GBP6: variants seen among roughly 807,000 people sequenced by gnomAD.
GBP6 encodes the protein guanylate-binding protein 6.
GBP6 carries 54 observed loss-of-function variants against 61.5 expected under a neutral mutation model. The observed-to-expected ratio is 0.88, with a 90% CI of 0.71 to 1.10. GBP6 has a LOEUF of 1.10. GBP6 is among the 50% of genes least tolerant of loss of function. GBP6 has a pLI of 0.00. For synonymous variants in GBP6, 255 were observed against 273.7 expected (o/e 0.93, Z 0.67); for missense variants, 748 against 752.8 (o/e 0.99, Z 0.07).
intron 1 of GBP6, among the ~76,000 whole-genome samples, chr1:89,364,994 C>T (rs538586514): frequency 1.3e-5 from 2 of 148,324 alleles, no homozygotes; most frequent in African/African-American, 5.0e-5. Flanking sequence ...TTCCCACCCC[C>T]ACCCCCAGCG....
intron 3 of GBP6, among the ~76,000 whole-genome samples, chr1:89,377,435 C>T (rs9427975): frequency 0.79 from 120,371 of 152,136 alleles, 47,777 homozygotes; most frequent in African/African-American, 0.86. Context: ...CCAGGAAACC[C>T]TCATATCACA....
chr1:89,385,090 A>G, intron 10 of GBP6, 140 bp from the exon 11 acceptor site: 1 of 721,424 alleles, frequency 1.4e-6, no homozygotes, highest in African/African-American at 1.8e-5. Context: ...CACAATGTCT[A>G]GGTCCAAATT....
chr1:89,382,090 C>A, intron 7 of GBP6, 116 bp downstream of exon 7: 1 of 1,050,408 alleles, frequency 9.5e-7, no homozygotes, highest in Non-Finnish European at 1.4e-6. Flanking sequence ...ATTGTGGATT[C>A]TCATGAGGGA....
rs1218820025 is a variant in GBP6 at position 89,385,315 on chromosome 1, A to G, written c.1748A>G (p.Asp583Gly). ...ATAAGTCAATTTAAACGTATGATTG[A>G]TACTACAAAAAATGATGATACTCCC... Reference protein sequence around the residue: ...AEISQFKRMIDTTKNDDTPWI... With the variant: ...AEISQFKRMIGTTKNDDTPWI... Residue 583 changes from aspartate to glycine, a missense_variant, in exon 11 of 11, where the codon GAT becomes GGT. Coordinates refer to ENST00000370456, the MANE Select transcript of GBP6 (RefSeq NM_198460.3). 1 of 1,614,154 alleles carries G rather than the reference A, an allele frequency of 6.2e-7. No individual in the cohort carries two copies.
rs753740748 is a variant in GBP6 at position 89,369,646 on chromosome 1, CA to C, written c.292del (p.Thr98ProfsTer34). On this transcript the variant is annotated frameshift_variant, in exon 3 of 11. Coordinates refer to ENST00000370456, the MANE Select transcript of GBP6 (RefSeq NM_198460.3). LOFTEE classifies it high-confidence loss of function. ...KPNHTLVLLD[T>X]EGLGDVEKGD... ...CAAACCACACCCTGGTCCTTCTGGA[CA>C]CCGAAGGTCTGGGCGATGTGGAAAA... 2 of 1,614,078 alleles carry C rather than the reference CA, an allele frequency of 1.2e-6. No homozygotes were observed. The highest frequency in any genetic ancestry group is 2.2e-5 in the South Asian group (2 of 91,074).
At chr1:89,383,300 G>A (rs1475236728) in intron 8 of GBP6, among the ~76,000 whole-genome samples, 1 of 152,160 alleles carries the variant, frequency 6.6e-6, no homozygotes, top group Non-Finnish European at 1.5e-5. Context: ...GCCAGCAAGT[G>A]GCAGGAGAAA....
rs927286598 is a variant in GBP6 at position 89,386,744 on chromosome 1, A to T, written c.*1275A>T. Among the ~76,000 whole-genome samples, 2 of 152,232 alleles carry T rather than the reference A, an allele frequency of 1.3e-5. No individual in the cohort carries two copies. The highest frequency in any genetic ancestry group is 4.8e-5 in the African/African-American group (2 of 41,470). On this transcript the variant is annotated 3_prime_UTR_variant, in exon 11 of 11. Transcript: ENST00000370456. ...AACATTAAGATTAAGCACTGATAGGAAGGATCCTGCCAACCTTGTCAGTAG... is the reference window on the plus strand; with the variant it reads ...AACATTAAGATTAAGCACTGATAGGTAGGATCCTGCCAACCTTGTCAGTAG...
chr1:89,377,594 A>T (rs9427976), intron 3 of GBP6, among the ~76,000 whole-genome samples: 120,398 of 152,186 alleles, frequency 0.79, 47,781 homozygotes, highest in African/African-American at 0.86. Flanking sequence ...TCATTATGAA[A>T]GTTTGTCACA....
rs553937580 is a variant in GBP6 at position 89,387,806 on chromosome 1, G to A, written c.*2337G>A. ...AAATTAACCAAGTGTGGTGGCACACGCCTGTCATGCCAGCTACACAGGAGG... is the reference window on the plus strand; with the variant it reads ...AAATTAACCAAGTGTGGTGGCACACACCTGTCATGCCAGCTACACAGGAGG... On this transcript the variant is annotated 3_prime_UTR_variant, in exon 11 of 11. Transcript: ENST00000370456. Among the ~76,000 whole-genome samples, 7 of 152,302 alleles carry A rather than the reference G, an allele frequency of 4.6e-5. No homozygotes were observed. The highest frequency in any genetic ancestry group is 9.6e-5 in the African/African-American group (4 of 41,560).
At position 89,383,647 on chromosome 1, in the gene GBP6, C is replaced by A; in HGVS notation, c.1366-5C>A. The A allele has an allele frequency of 6.3e-7, 1 of 1,590,882 alleles. No individual in the cohort carries two copies. The highest frequency in any genetic ancestry group is 1.4e-5 in the African/African-American group (1 of 73,608). ...AAATCTAAGTGCTTTTTCTTCCTTC[C>A]ATAGGCAAAAGAGGTCTTCCAGAGG... On this transcript the variant is annotated splice_region_variant and splice_polypyrimidine_tract_variant and intron_variant, in intron 8 of 10. Coordinates refer to ENST00000370456, the MANE Select transcript of GBP6 (RefSeq NM_198460.3).
intron 3 of GBP6, among the ~76,000 whole-genome samples, chr1:89,376,185 A>T (rs973670489): frequency 6.6e-6 from 1 of 152,164 alleles, no homozygotes; most frequent in African/African-American, 2.4e-5. Flanking sequence ...CACATTTTTT[A>T]AAATTCATTC....
intron 7 of GBP6, among the ~76,000 whole-genome samples, chr1:89,382,211 C>T (rs1247224657): frequency 6.6e-6 from 1 of 152,148 alleles, no homozygotes; most frequent in Non-Finnish European, 1.5e-5. Flanking sequence ...CTAAGGATTC[C>T]AGGCCTGCTC....
intron 7 of GBP6, among the ~76,000 whole-genome samples, chr1:89,382,357 G>A (rs562638568): frequency 6.6e-6 from 1 of 152,248 alleles, no homozygotes; most frequent in South Asian, 2.1e-4. Context: ...TTGTATCCTT[G>A]TACCATTGAG....
At chr1:89,368,435 G>T in intron 1 of GBP6, 94 bp from the exon 2 acceptor site, 1 of 870,316 alleles carries the variant, frequency 1.1e-6, no homozygotes, top group Non-Finnish European at 1.8e-6. Flanking sequence ...ATGTTGTCCA[G>T]TAGAAACACA....
At chr1:89,378,691 TTCATTTGTATTTGAGA>T in intron 5 of GBP6, 78 bp downstream of exon 5, 1 of 1,150,296 alleles carries the variant, frequency 8.7e-7, no homozygotes. Flanking sequence ...TCTCTGGGGT[TTCATTTGTATTTGAGA>T]CTAGATTGAG....
intron 5 of GBP6, among the ~76,000 whole-genome samples, chr1:89,380,036 G>T (rs1652919588): frequency 6.6e-6 from 1 of 152,128 alleles, no homozygotes; most frequent in Admixed American, 6.6e-5. Context: ...TACTAAAGAG[G>T]CTAAGGTGGA....
At chr1:89,380,701 A>C (rs1652953822) in intron 6 of GBP6, 70 bp downstream of exon 6, 1 of 1,470,746 alleles carries the variant, frequency 6.8e-7, no homozygotes, top group African/African-American at 1.4e-5. Context: ...TGTTTCTCAG[A>C]ATTTTTGTTA....
chr1:89,374,687 C>T (rs1331480533), intron 3 of GBP6, among the ~76,000 whole-genome samples: 1 of 152,086 alleles, frequency 6.6e-6, no homozygotes, highest in Non-Finnish European at 1.5e-5. Flanking sequence ...CTATTTTGTA[C>T]ACCTTTATAT....
intron 5 of GBP6, among the ~76,000 whole-genome samples, 187 bp downstream of exon 5, chr1:89,378,800 G>A (rs1652880066): frequency 1.3e-5 from 2 of 152,182 alleles, no homozygotes; most frequent in South Asian, 2.1e-4. Flanking sequence ...AGAGTCTAAA[G>A]TGCAGATAAA....
Sources: gnomAD v4.1 joint callset for allele counts (sites outside exome capture counted in the v4.1 genomes callset) on GRCh38, gnomAD v4.1.1 for gene constraint, MANE v1.5 for transcripts, NCBI Gene and HGNC (gene_info 2026-07-23, HGNC 2026-07-21) for gene names.